The following RBFOX1 variants were observed in gnomAD, a reference collection of about 807,000 sequenced individuals.
RBFOX1 encodes RNA binding protein fox-1 homolog 1.
Under a neutral mutation model 57.7 loss-of-function variants are expected in RBFOX1, and 8 were observed. The observed-to-expected ratio is 0.14, with a 90% CI of 0.08 to 0.25. The LOEUF (loss-of-function observed/expected upper bound fraction) is 0.25. Among genes scored for constraint, RBFOX1 ranks in the 10% least tolerant of loss-of-function variants. The probability of loss-of-function intolerance (pLI) is 1.00; values close to 1 mark genes in which losing one functional copy is unlikely to be tolerated. For synonymous variants in RBFOX1, 326 were observed against 222.4 expected, an observed-to-expected ratio of 1.47 and a Z score of -4.15; for missense variants, 611 against 548.5, an observed-to-expected ratio of 1.11 and a Z score of -1.14.
In RBFOX1 at chr16:7,567,349, A is replaced by ATATATC. The variant is rs1323184864; in HGVS notation, c.271-12427_271-12426insATATCT. ...TCCCTATATATGGCCCTATATATATATCCCTATATATGGCCCTATATATAT... is the reference window on the plus strand; with the variant it reads ...TCCCTATATATGGCCCTATATATATATATATCTCCCTATATATGGCCCTATATATAT... On this transcript the variant is annotated intron_variant, in intron 5 of 15. Coordinates refer to ENST00000550418, the MANE Select transcript of RBFOX1 (RefSeq NM_018723.4). Among the ~76,000 whole-genome samples, 5 of 115,920 alleles carry ATATATC rather than the reference A, an allele frequency of 4.3e-5. 1 individual carries two copies. Among genetic ancestry groups the ATATATC allele is most frequent in the South Asian group, 5.0e-4 (2 of 4,036 alleles). 76.0% of individuals were successfully genotyped at this position (115,920 alleles called of 152,430 possible). A position where few individuals can be genotyped will look rare whatever the true frequency, so the allele number is the denominator to read the frequency against.
rs189122196 is a variant in RBFOX1, at chr16:5,454,137, G to A, written c.220-13079G>A. 1.5e-3 allele frequency among the ~76,000 whole-genome samples: 234 copies of A among 152,304 alleles called. 2 individuals are homozygous for A. Among genetic ancestry groups the A allele is most frequent in the African/African-American group, 5.3e-3 (221 of 41,578 alleles). On this transcript the variant is annotated intron_variant, in intron 1 of 2. Transcript: ENST00000585867. The stretch of plus-strand genomic sequence containing the variant: ...ATTTGAAGTTTGGATTTTATTCCTC[G>A]TTCTTGTTGACTCAAGGTGAAATGC...
chr16:6,941,140 G>A (rs907091513), intron 3 of RBFOX1, among the ~76,000 whole-genome samples: 25 of 151,868 alleles, frequency 1.6e-4, no homozygotes, highest in African/African-American at 6.0e-4. Context: ...ACTGGGATAT[G>A]GAGGCAAGAA....
chr16:5,691,203 T>C (rs1248101507), intron 3 of RBFOX1, among the ~76,000 whole-genome samples: 2 of 152,224 alleles, frequency 1.3e-5, no homozygotes, highest in African/African-American at 2.4e-5. Flanking sequence ...TTTTGCATAA[T>C]TTCCATCATT....
chr16:6,944,882 G>A (rs372181862), intron 3 of RBFOX1, among the ~76,000 whole-genome samples: 2 of 152,138 alleles, frequency 1.3e-5, no homozygotes, highest in Non-Finnish European at 2.9e-5. Context: ...TGGCTGATTC[G>A]TGGGTAGCTA....
At chr16:7,028,803 C>A (rs183362273) in intron 3 of RBFOX1, among the ~76,000 whole-genome samples, 66 of 150,976 alleles carry the variant, frequency 4.4e-4, no homozygotes, top group African/African-American at 1.5e-3. Context: ...CAAACATTGG[C>A]GATCAACAAA....
chr16:6,267,973 C>T lies in RBFOX1; in HGVS notation c.-126-49022C>T, dbSNP rs372565635. ...CCAACCCGTTTGAAGTAATTAACCCCTGTGTCTTGAAACACAAGGAAGCTA... is the reference window on the plus strand; with the variant it reads ...CCAACCCGTTTGAAGTAATTAACCCTTGTGTCTTGAAACACAAGGAAGCTA... On this transcript the variant is annotated intron_variant, in intron 1 of 15. Coordinates refer to ENST00000550418, the MANE Select transcript of RBFOX1 (RefSeq NM_018723.4). 6.6e-5 allele frequency among the ~76,000 whole-genome samples: 10 copies of T among 152,314 alleles called. No individual in the cohort carries two copies. In the East Asian group the frequency reaches 1.5e-3, roughly 24 times the overall value.
intron 1 of RBFOX1, among the ~76,000 whole-genome samples, chr16:6,124,007 A>T (rs1250789977): frequency 6.6e-6 from 1 of 152,206 alleles, no homozygotes; most frequent in East Asian, 1.9e-4. Context: ...GCTTGGCCAC[A>T]AAGGTTCATT....
At chr16:6,852,171 G>A (rs994867444) in intron 3 of RBFOX1, among the ~76,000 whole-genome samples, 1 of 152,054 alleles carries the variant, frequency 6.6e-6, no homozygotes, top group African/African-American at 2.4e-5. Context: ...AGTGTCACTG[G>A]CCTGCAACCA....
intron 2 of RBFOX1, among the ~76,000 whole-genome samples, chr16:6,522,648 G>C (rs139326358): frequency 2.6e-5 from 4 of 151,980 alleles, no homozygotes; most frequent in African/African-American, 4.8e-5. Flanking sequence ...TCAGTACCGG[G>C]GTTAATACTA....
chr16:7,500,169 C>T (rs1227226056), intron 4 of RBFOX1, among the ~76,000 whole-genome samples: 1 of 152,196 alleles, frequency 6.6e-6, no homozygotes, highest in Non-Finnish European at 1.5e-5. Context: ...TGAAGAAGCA[C>T]AGACTCTCCA....
intron 3 of RBFOX1, chr16:6,705,277 A>C (rs567533686): frequency 1.3e-5 from 2 of 152,256 alleles, no homozygotes; most frequent in East Asian, 3.9e-4. Flanking sequence ...CATACTGGGC[A>C]AAGGTTTCTC....
chr16:6,238,088 C>G (rs1334527497), intron 1 of RBFOX1, among the ~76,000 whole-genome samples: 1 of 111,288 alleles, frequency 9.0e-6, no homozygotes, highest in African/African-American at 3.8e-5. Context: ...GAGACTCTGT[C>G]TCAAAAAAAA....
At chr16:6,874,623 C>G (rs1277411966) in intron 3 of RBFOX1, among the ~76,000 whole-genome samples, 2 of 151,374 alleles carry the variant, frequency 1.3e-5, no homozygotes, top group Admixed American at 1.3e-4. Flanking sequence ...AACCAAACAT[C>G]TCATGGCTTA....
chr16:6,046,415 C>G (rs150652289), intron 1 of RBFOX1, among the ~76,000 whole-genome samples: 38 of 152,254 alleles, frequency 2.5e-4, no homozygotes, highest in African/African-American at 8.9e-4. Flanking sequence ...GACCCCAGGG[C>G]TCCATTTTAG....
chr16:6,842,524 T>C (rs955808525), intron 3 of RBFOX1, among the ~76,000 whole-genome samples: 7 of 152,186 alleles, frequency 4.6e-5, no homozygotes, highest in African/African-American at 1.7e-4. Flanking sequence ...TCCTGCCCTT[T>C]TCAGCTTGAT....
intron 3 of RBFOX1, among the ~76,000 whole-genome samples, chr16:6,800,865 T>C (rs1014996959): frequency 2.0e-5 from 3 of 152,150 alleles, no homozygotes; most frequent in African/African-American, 7.2e-5. Flanking sequence ...TTCTGGTTGT[T>C]TTTCTATGTA....
intron 1 of RBFOX1, among the ~76,000 whole-genome samples, chr16:5,261,428 A>T (rs1046421163): frequency 6.6e-6 from 1 of 151,878 alleles, no homozygotes; most frequent in African/African-American, 2.4e-5. Flanking sequence ...TGAACATGTG[A>T]TAGTGTCTTT....
intron 1 of RBFOX1, among the ~76,000 whole-genome samples, chr16:6,042,452 G>C (rs563816467): frequency 1.3e-5 from 2 of 152,136 alleles, no homozygotes; most frequent in Admixed American, 1.3e-4. Context: ...TATCCAGATA[G>C]TTCGGAATCA....
chr16:5,538,223 A>T (rs938658615), intron 2 of RBFOX1, among the ~76,000 whole-genome samples: 5 of 152,222 alleles, frequency 3.3e-5, no homozygotes, highest in South Asian at 2.1e-4. Flanking sequence ...ATCAATATGG[A>T]TTCAAATGAC....
Sources: allele counts gnomAD v4.1 joint callset (sites outside exome capture counted in the v4.1 genomes callset), GRCh38; gene constraint gnomAD v4.1.1; transcripts MANE v1.5; gene names NCBI Gene and HGNC (gene_info 2026-07-23, HGNC 2026-07-21).